Variants in ANAPC2 observed in about 807,000 individuals in gnomAD.
ANAPC2 encodes the protein anaphase promoting complex subunit 2, also known as anaphase-promoting complex subunit 2.
A neutral mutation model predicts 84.3 loss-of-function variants in ANAPC2; 29 were observed. The observed-to-expected ratio is 0.34, with a 90% confidence interval of 0.26 to 0.47. ANAPC2 has a LOEUF of 0.47. Among genes scored for constraint, ANAPC2 ranks in the 20% least tolerant of loss-of-function variants. The pLI is 1.00. For synonymous variants in ANAPC2, 571 were observed against 479.4 expected (o/e 1.19, Z -2.50); for missense variants, 857 against 1,131.7 (o/e 0.76, Z 3.48).
intron 2 of ANAPC2, 105 bp from the exon 3 acceptor site, chr9:137,186,461 C>G: frequency 1.5e-6 from 2 of 1,290,450 alleles, no homozygotes; most frequent in South Asian, 2.9e-5. Context: ...GCATGCAGCA[C>G]ACACACACAC....
intron 2 of ANAPC2, chr9:137,187,171 C>G (rs1441054235): frequency 2.7e-6 from 1 of 369,376 alleles, no homozygotes; most frequent in African/African-American, 2.0e-5. Flanking sequence ...TCCCCAGGAT[C>G]GACAAAAGGC....
chr9:137,181,240 C>T (rs1024201773), intron 7 of ANAPC2, among the ~76,000 whole-genome samples: 1 of 152,232 alleles, frequency 6.6e-6, no homozygotes. Flanking sequence ...CCATCTGTGC[C>T]AGGGCAGGGG....
rs775590656 is a variant in ANAPC2, at chr9:137,188,447, G to C, written c.86C>G (p.Thr29Ser). Residue 29 changes from threonine (T) to serine (S), a missense_variant, in exon 1 of 13, where the codon ACC becomes AGC. Physicochemically the swap from Thr to Ser is moderately conservative, Grantham distance 58. This residue lies in a region of ANAPC2 where 428 missense variants were observed against 513.8 expected (regional missense o/e 0.83). Coordinates refer to ENST00000323927, the MANE Select transcript of ANAPC2 (RefSeq NM_013366.4). ...ELLVAWNTVS[T>S]GLVPPAALGL... is the part of the protein sequence containing the mutation. Reference sequence around the variant, plus strand: ...CAGCGCAGCCGGCGGCACCAGGCCGGTGCTCACGGTGTTCCAGGCCACTAA... The same window carrying C: ...CAGCGCAGCCGGCGGCACCAGGCCGCTGCTCACGGTGTTCCAGGCCACTAA... 1.8e-5 allele frequency: 29 copies of C among 1,609,656 alleles called. No individual in the cohort carries two copies. Among genetic ancestry groups the C allele is most frequent in the Non-Finnish European group, 2.3e-5 (27 of 1,179,506 alleles).
chr9:137,177,721 C>G (rs1320907602), intron 10 of ANAPC2, among the ~76,000 whole-genome samples: 1 of 152,176 alleles, frequency 6.6e-6, no homozygotes, highest in Non-Finnish European at 1.5e-5. Context: ...ACCCCTAACT[C>G]CCGGTGCCTC....
intron 1 of ANAPC2, 45 bp downstream of exon 1, chr9:137,188,371 C>T (rs764573307): frequency 5.5e-5 from 86 of 1,576,782 alleles, no homozygotes; most frequent in Non-Finnish European, 7.2e-5. Flanking sequence ...CGCGTACGGT[C>T]CCGGAAACTC....
In ANAPC2 at chr9:137,180,192, C is replaced by T. The variant is rs1834312353; in HGVS notation, c.1879G>A (p.Glu627Lys). ...TGGCATGGAGGTACCTTGAGCTGCTCATACTTCTTGCAGTAAGCCTCCAGG... is the reference window on the plus strand; with the variant it reads ...TGGCATGGAGGTACCTTGAGCTGCTTATACTTCTTGCAGTAAGCCTCCAGG... ...AALEAYCKKY[E>K]QLKAMRTLSW... The change falls in exon 10 of 13, where the codon GAG becomes AAG. Residue 627 changes from glutamate to lysine, a missense_variant. Physicochemically the swap from Glu to Lys is moderately conservative, Grantham distance 56 (BLOSUM62 1). Around this residue, in one of 3 missense-constraint regions of ANAPC2, gnomAD observed 425 missense variants for 595.5 expected, o/e 0.71. Coordinates refer to ENST00000323927, the MANE Select transcript of ANAPC2 (RefSeq NM_013366.4). 1 of 1,613,518 alleles carries T rather than the reference C, an allele frequency of 6.2e-7. No homozygotes were observed. The highest frequency in any genetic ancestry group is 8.5e-7 in the Non-Finnish European group (1 of 1,179,976).
Position 137,188,455 on chromosome 9 carries a change from G to A in ANAPC2, c.78C>T (p.Thr26=). The stretch of plus-strand genomic sequence containing the variant: ...CCGGCGGCACCAGGCCGGTGCTCAC[G>A]GTGTTCCAGGCCACTAACAACTCCT... The part of the protein sequence containing the change: ...PGQELLVAWN[T]VSTGLVPPAA... Residue 26 remains threonine, a synonymous_variant, in exon 1 of 13, where the codon ACC becomes ACT. Coordinates refer to ENST00000323927, the MANE Select transcript of ANAPC2 (RefSeq NM_013366.4). 1.2e-6 allele frequency: 2 copies of A among 1,610,180 alleles called. No individual in the cohort carries two copies. Among genetic ancestry groups the A allele is most frequent in the Non-Finnish European group, 1.7e-6 (2 of 1,179,528 alleles).
chr9:137,187,467 G>T lies in ANAPC2; in HGVS notation c.740+14C>A. On this transcript the variant is annotated intron_variant, in intron 2 of 12. Coordinates refer to ENST00000323927, the MANE Select transcript of ANAPC2 (RefSeq NM_013366.4). ...GAAGGAGCAAGGGCATGGCCATCGG[G>T]ACAGACTACTCACAAGACCTGGCTG... 6.3e-7 allele frequency: 1 copy of T among 1,599,042 alleles called. No individual in the cohort carries two copies. The highest frequency in any genetic ancestry group is 1.1e-5 in the South Asian group (1 of 90,242).
At chr9:137,182,978 C>T (rs1834375892) in intron 6 of ANAPC2, 147 bp downstream of exon 6, 5 of 637,246 alleles carry the variant, frequency 7.8e-6, no homozygotes, top group South Asian at 5.7e-5. Context: ...GAAAGAGCCT[C>T]GGGCCTGATC....
chr9:137,188,095 G>A lies in ANAPC2; in HGVS notation c.126C>T (p.Ser42=). ...TTGGCGGGACTGCACCGCTGGTCCG[G>A]GAAGACACCTGGGGTGCAGAAAACC... ...VPPAALGLVS[S]RTSGAVPPKE... Residue 42 remains serine, a synonymous_variant, in exon 2 of 13, where the codon TCC becomes TCT. Transcript: ENST00000323927. The A allele has an allele frequency of 1.9e-6, 3 of 1,611,314 alleles. No individual in the cohort carries two copies. Among genetic ancestry groups the A allele is most frequent in the South Asian group, 2.2e-5 (2 of 91,058 alleles).
chr9:137,177,646 G>A (rs1215157954), intron 10 of ANAPC2, among the ~76,000 whole-genome samples: 1 of 152,170 alleles, frequency 6.6e-6, no homozygotes, highest in Admixed American at 6.5e-5. Context: ...CTTGCACGTG[G>A]GAGGGGCCCA....
chr9:137,180,130 G>A (rs1312278265), intron 10 of ANAPC2, 51 bp downstream of exon 10: 2 of 1,576,644 alleles, frequency 1.3e-6, no homozygotes, highest in East Asian at 2.3e-5. Context: ...GAGCCCCGCA[G>A]TGCAGGGTAG....
rs908618866 is a variant in ANAPC2 at position 137,177,783 on chromosome 9, G to A, written c.1891-1946C>T. On this transcript the variant is annotated intron_variant, in intron 10 of 12. Coordinates refer to ENST00000323927, the MANE Select transcript of ANAPC2 (RefSeq NM_013366.4). ...TCATTAAAGATATAATTAAGATGAC[G>A]TCACCCTGGAATAGAGAGAGTGTTC... Among the ~76,000 whole-genome samples the A allele has an allele frequency of 4.6e-5, 7 of 151,568 alleles. No homozygotes were observed. In the South Asian group the frequency reaches 1.3e-3, roughly 27 times the overall value.
intron 3 of ANAPC2, among the ~76,000 whole-genome samples, chr9:137,185,445 G>T (rs762680222): frequency 6.6e-6 from 1 of 152,128 alleles, no homozygotes; most frequent in Non-Finnish European, 1.5e-5. Context: ...GAGACCAGCC[G>T]GGGGGCCCAG....
chr9:137,174,890 A>G lies in ANAPC2; in HGVS notation c.*52T>C. The stretch of plus-strand genomic sequence containing the variant: ...GGGCGGGGGCTGGCACGGGAGGACG[A>G]GAGCACCTGCAGGGCAGCGCCTGGC... On this transcript the variant is annotated 3_prime_UTR_variant, in exon 13 of 13. Coordinates refer to ENST00000323927, the MANE Select transcript of ANAPC2 (RefSeq NM_013366.4). The surrounding 1 kb of genome is among the most constrained non-coding windows in gnomAD (Gnocchi z 6.1). 1 of 1,395,004 alleles carries G rather than the reference A, an allele frequency of 7.2e-7. No homozygotes were observed. 86.4% of individuals were successfully genotyped at this position (1,395,004 alleles called of 1,614,324 possible).
chr9:137,180,559 TG>T (rs761218948), intron 8 of ANAPC2, 32 bp from the exon 9 acceptor site: 1 of 1,612,260 alleles, frequency 6.2e-7, no homozygotes, highest in South Asian at 1.1e-5. Context: ...CAGGGGGTCG[TG>T]ATGAGCCCCA....
chr9:137,174,912 T>TGGTG lies in ANAPC2; in HGVS notation c.*29_*30insCACC. On this transcript the variant is annotated 3_prime_UTR_variant, in exon 13 of 13. Transcript: ENST00000323927. This position sits in a 1 kb window ranked among gnomAD's most constrained non-coding sequence, Gnocchi z 6.1. ...ACGAGAGCACCTGCAGGGCAGCGCC[T>TGGTG]GGCGGGCGGGCGGGCGGGCGGGCGA... The TGGTG allele has an allele frequency of 9.1e-6, 5 of 552,284 alleles. No homozygotes were observed. Among genetic ancestry groups the TGGTG allele is most frequent in the Non-Finnish European group, 1.3e-5 (5 of 377,624 alleles). 34.2% of individuals were successfully genotyped at this position (552,284 alleles called of 1,614,324 possible).
chr9:137,183,206 G>C lies in ANAPC2; in HGVS notation c.1205C>G (p.Ser402Cys), dbSNP rs1834381010. ...NTCDIITLYI[S>C]AIKALRVLDP... The stretch of plus-strand genomic sequence containing the variant: ...CAGCACGCGCAGCGCCTTGATGGCA[G>C]AGATATAGAGGGTGATGATGTCACA... Residue 402 changes from serine to cysteine, a missense_variant, in exon 6 of 13, where the codon TCT becomes TGT. Physicochemically the swap from Ser to Cys is moderately radical, Grantham distance 112. Transcript: ENST00000323927. 1 of 1,613,156 alleles carries C rather than the reference G, an allele frequency of 6.2e-7. No individual in the cohort carries two copies. The highest frequency in any genetic ancestry group is 8.5e-7 in the Non-Finnish European group (1 of 1,179,974).
chr9:137,184,336 C>A (rs972803158), intron 4 of ANAPC2, among the ~76,000 whole-genome samples: 1 of 144,128 alleles, frequency 6.9e-6, no homozygotes, highest in African/African-American at 2.6e-5. Flanking sequence ...GCAGACACGA[C>A]GAAGGCCCTG....
Sources: gnomAD v4.1 joint callset for allele counts (sites outside exome capture counted in the v4.1 genomes callset) on GRCh38, gnomAD v4.1.1 for gene constraint, gnomAD v4.1.1 regional missense constraint, Gnocchi (gnomAD v3.1) non-coding constraint, MANE v1.5 for transcripts, NCBI Gene and HGNC (gene_info 2026-07-23, HGNC 2026-07-21) for gene names.